The following DSCC1 variants were observed in gnomAD, a reference collection of about 807,000 sequenced individuals.
DSCC1 encodes sister chromatid cohesion protein DCC1.
In DSCC1, 32 loss-of-function variants were observed where a neutral mutation model predicts 48.2. The observed-to-expected ratio is 0.66, with a 90% CI of 0.50 to 0.89. The LOEUF (loss-of-function observed/expected upper bound fraction) is 0.89, where lower values mean the gene tolerates loss of function less well. Among genes scored for constraint, DSCC1 ranks in the 40% least tolerant of loss-of-function variants. The probability of loss-of-function intolerance (pLI) is 0.00; values close to 1 mark genes in which losing one functional copy is unlikely to be tolerated. For missense variants in DSCC1, 421 were observed against 471.7 expected (o/e 0.89, Z 1.00); for synonymous variants, 150 against 171.5 (o/e 0.87, Z 0.98).
intron 3 of DSCC1, among the ~76,000 whole-genome samples, chr8:119,848,744 A>G (rs1333210395): frequency 1.3e-5 from 2 of 152,266 alleles, no homozygotes; most frequent in African/African-American, 2.4e-5. Flanking sequence ...AAATGAATGC[A>G]TAAAATATGA....
intron 7 of DSCC1, chr8:119,839,770 A>C (rs938188567): frequency 2.0e-5 from 3 of 152,236 alleles, no homozygotes; most frequent in African/African-American, 7.2e-5. Context: ...ACAGTGCCTT[A>C]ATTTTTATTT....
chr8:119,843,892 TCA>T, intron 4 of DSCC1, 145 bp from the exon 5 acceptor site: 1 of 777,296 alleles, frequency 1.3e-6, no homozygotes, highest in Non-Finnish European at 2.0e-6. Context: ...TTCTGCCATC[TCA>T]GTCTCCTGAG....
intron 5 of DSCC1, 133 bp downstream of exon 5, chr8:119,843,476 T>C: frequency 7.7e-7 from 1 of 1,294,900 alleles, no homozygotes; most frequent in Non-Finnish European, 1.0e-6. Flanking sequence ...CTTCTTCGGT[T>C]GTAATTGTAA....
At chr8:119,843,454 A>G (rs1409409955) in intron 5 of DSCC1, among the ~76,000 whole-genome samples, 155 bp downstream of exon 5, 1 of 152,200 alleles carries the variant, frequency 6.6e-6, no homozygotes, top group African/African-American at 2.4e-5. Flanking sequence ...CCAGTGACCA[A>G]AATTCCCAAA....
intron 1 of DSCC1, among the ~76,000 whole-genome samples, chr8:119,855,382 C>T (rs1257446641): frequency 2.6e-5 from 4 of 152,370 alleles, no homozygotes; most frequent in African/African-American, 9.6e-5. Context: ...TCCTGACTTG[C>T]TCCCGCTGAC....
At chr8:119,842,968 T>C (rs2131299458) in intron 5 of DSCC1, 140 bp from the exon 6 acceptor site, 1 of 694,454 alleles carries the variant, frequency 1.4e-6, no homozygotes, top group Admixed American at 3.3e-5. Context: ...TATTATTTTA[T>C]TTAAATTAGG....
intron 8 of DSCC1, among the ~76,000 whole-genome samples, chr8:119,835,501 T>C (rs28486048): frequency 0.6 from 90,778 of 151,364 alleles, 27,481 homozygotes; most frequent in Middle Eastern, 0.76. Context: ...TGTGAGACTC[T>C]GTCTCAAAAA....
At chr8:119,835,682 A>G (rs2063284) in intron 8 of DSCC1, among the ~76,000 whole-genome samples, 40,079 of 152,040 alleles carry the variant, frequency 0.26, 5,971 homozygotes, top group Middle Eastern at 0.39. Context: ...CACAGCCTCT[A>G]AATTAGAAAT....
intron 6 of DSCC1, among the ~76,000 whole-genome samples, chr8:119,842,531 C>T (rs564057529): frequency 2.0e-5 from 3 of 152,152 alleles, no homozygotes; most frequent in East Asian, 3.9e-4. Context: ...TACAGGCATG[C>T]ACTGCCACAC....
intron 4 of DSCC1, among the ~76,000 whole-genome samples, chr8:119,845,051 TTTTATTTATTTATTTA>T (rs67730947): frequency 0.034 from 4,706 of 138,390 alleles, 136 homozygotes; most frequent in South Asian, 0.052. Context: ...TGACATGCCA[TTTTATTTATTTATTTA>T]TTTATTTATT....
At chr8:119,838,225 G>T in intron 8 of DSCC1, 34 bp downstream of exon 8, 12 of 1,507,004 alleles carry the variant, frequency 8.0e-6, no homozygotes, top group South Asian at 1.4e-5. Context: ...TAAAAAGAAC[G>T]ACCCTCAAAA....
chr8:119,853,490 G>A (rs2131312976), intron 1 of DSCC1, among the ~76,000 whole-genome samples: 1 of 152,330 alleles, frequency 6.6e-6, no homozygotes, highest in South Asian at 2.1e-4. Flanking sequence ...GCACTACATG[G>A]CATCTTGTGC....
chr8:119,836,827 G>A (rs997228094), intron 8 of DSCC1, among the ~76,000 whole-genome samples: 1 of 152,104 alleles, frequency 6.6e-6, no homozygotes, highest in African/African-American at 2.4e-5. Flanking sequence ...TAGACCTGGA[G>A]CACTCCAACA....
chr8:119,847,743 A>G (rs7001182), intron 3 of DSCC1, among the ~76,000 whole-genome samples: 109,593 of 149,822 alleles, frequency 0.73, 41,196 homozygotes, highest in African/African-American at 0.91. Context: ...TTGGCTCACC[A>G]CAACCTCTGC....
Position 119,834,683 on chromosome 8 carries a change from T to C in DSCC1, c.*210A>G, listed in dbSNP as rs895587863. On this transcript the variant is annotated 3_prime_UTR_variant, in exon 9 of 9. Coordinates refer to ENST00000313655, the MANE Select transcript of DSCC1 (RefSeq NM_024094.3). The stretch of plus-strand genomic sequence containing the variant: ...TAGGAAAGAATTCTTTTGTCCTTGT[T>C]TACACTGTGTACATAGTACAAATAT... 1 of 477,766 alleles carries C rather than the reference T, an allele frequency of 2.1e-6. No individual in the cohort carries two copies. The highest frequency in any genetic ancestry group is 4.2e-5 in the Admixed American group (1 of 23,662). The allele number at this position is 477,766 out of a possible 1,614,324, so 29.6% of individuals were successfully genotyped here. A position where few individuals can be genotyped will look rare whatever the true frequency, so the allele number is the denominator to read the frequency against.
chr8:119,842,695 ATT>A, intron 6 of DSCC1, 79 bp downstream of exon 6: 1 of 1,360,130 alleles, frequency 7.4e-7, no homozygotes. Context: ...CAGAGTTCTT[ATT>A]TTTAACACCG....
intron 8 of DSCC1, among the ~76,000 whole-genome samples, chr8:119,836,757 C>T (rs1053663038): frequency 6.6e-6 from 1 of 151,894 alleles, no homozygotes; most frequent in Admixed American, 6.6e-5. Flanking sequence ...AAATTTGTTT[C>T]CAGGCCTAGA....
At chr8:119,843,114 AT>A (rs1250002149) in intron 5 of DSCC1, among the ~76,000 whole-genome samples, 42 of 143,796 alleles carry the variant, frequency 2.9e-4, no homozygotes, top group Non-Finnish European at 5.1e-4. Flanking sequence ...TGTTTGTTTT[AT>A]TTTATTTTTT....
At chr8:119,853,341 C>A in intron 1 of DSCC1, 126 bp from the exon 2 acceptor site, 2 of 1,014,936 alleles carry the variant, frequency 2.0e-6, no homozygotes, top group South Asian at 3.9e-5. Context: ...GCCTCTGCCC[C>A]CTGCTAGCAC....
Sources: allele counts gnomAD v4.1 joint callset (sites outside exome capture counted in the v4.1 genomes callset), GRCh38; gene constraint gnomAD v4.1.1; transcripts MANE v1.5; gene names NCBI Gene and HGNC (gene_info 2026-07-23, HGNC 2026-07-21).